The following UBE2E2 variants were observed in gnomAD, a reference collection of about 807,000 sequenced individuals.
UBE2E2 encodes the protein ubiquitin conjugating enzyme E2 E2.
Under a neutral mutation model 24.7 loss-of-function variants are expected in UBE2E2, and 6 were observed. The observed-to-expected ratio is 0.24, with a 90% CI of 0.13 to 0.48. The LOEUF is 0.48. UBE2E2 is among the 20% of genes least tolerant of loss of function. The pLI is 0.99. For synonymous variants in UBE2E2, 104 were observed against 83.6 expected, an observed-to-expected ratio of 1.24 and a Z score of -1.33; for missense variants, 169 against 245.0, an observed-to-expected ratio of 0.69 and a Z score of 2.07.
chr3:23,217,359 G>A (rs377470506), intron 3 of UBE2E2, 47 bp downstream of exon 3: 6 of 1,550,976 alleles, frequency 3.9e-6, no homozygotes, highest in Non-Finnish European at 4.4e-6. Flanking sequence ...TGCAGAAGGT[G>A]CATTTGAACT....
intron 4 of UBE2E2, among the ~76,000 whole-genome samples, chr3:23,522,121 C>T (rs1031931670): frequency 1.4e-5 from 2 of 145,692 alleles, no homozygotes; most frequent in Admixed American, 7.3e-5. Context: ...ACTCATATAA[C>T]CAGCTAATTT....
chr3:23,358,973 C>T (rs1696040428), intron 3 of UBE2E2, among the ~76,000 whole-genome samples: 1 of 152,146 alleles, frequency 6.6e-6, no homozygotes, highest in African/African-American at 2.4e-5. Context: ...AATTTGAATC[C>T]ACATGTATGT....
intron 3 of UBE2E2, among the ~76,000 whole-genome samples, chr3:23,323,747 T>A (rs895909268): frequency 2.0e-5 from 3 of 152,146 alleles, no homozygotes; most frequent in African/African-American, 7.2e-5. Flanking sequence ...TGTCCTTATT[T>A]TAGTTTTAGT....
At chr3:23,498,499 A>C (rs1699653956) in intron 3 of UBE2E2, among the ~76,000 whole-genome samples, 1 of 152,194 alleles carries the variant, frequency 6.6e-6, no homozygotes, top group Non-Finnish European at 1.5e-5. Flanking sequence ...ATTATGATGA[A>C]TCAATTTGGA....
rs9828922 is a variant in UBE2E2 at position 23,365,932 on chromosome 3, T to C, written c.228-133676T>C. 8.7e-3 allele frequency among the ~76,000 whole-genome samples: 1,326 copies of C among 152,124 alleles called. 18 individuals are homozygous for C. The highest frequency in any genetic ancestry group is 0.03 in the African/African-American group (1,253 of 41,514). On this transcript the variant is annotated intron_variant, in intron 3 of 5. Coordinates refer to ENST00000396703, the MANE Select transcript of UBE2E2 (RefSeq NM_152653.4). Reference sequence around the variant, plus strand: ...AAAGAGACACACAGACCAATGAGACTGAATAGAGAGCTCAGAAATAATGCC... The same window carrying C: ...AAAGAGACACACAGACCAATGAGACCGAATAGAGAGCTCAGAAATAATGCC...
chr3:23,267,304 C>G (rs1698076567), intron 3 of UBE2E2, among the ~76,000 whole-genome samples: 1 of 151,856 alleles, frequency 6.6e-6, no homozygotes, highest in Admixed American at 6.6e-5. Flanking sequence ...TGATAGACCG[C>G]TAGCAAGACT....
chr3:23,404,190 A>G (rs564008909), intron 3 of UBE2E2, among the ~76,000 whole-genome samples: 1 of 152,272 alleles, frequency 6.6e-6, no homozygotes, highest in South Asian at 2.1e-4. Context: ...GTATTTATCA[A>G]CTCAGTTGCA....
At chr3:23,480,584 G>A (rs140504846) in intron 3 of UBE2E2, among the ~76,000 whole-genome samples, 1,933 of 150,700 alleles carry the variant, frequency 0.013, 40 homozygotes, top group African/African-American at 0.044. Flanking sequence ...AGCAGCTGCT[G>A]CAGAGAGGCC....
chr3:23,454,490 T>C (rs1199955743), intron 3 of UBE2E2, among the ~76,000 whole-genome samples: 1 of 152,182 alleles, frequency 6.6e-6, no homozygotes. Flanking sequence ...CTACCTTGTA[T>C]CTTTAGTCTC....
rs908564725 is a variant in UBE2E2, at chr3:23,585,091, T to C, written c.509-4643T>C. Among the ~76,000 whole-genome samples, 15 of 152,284 alleles carry C rather than the reference T, an allele frequency of 9.9e-5. No individual in the cohort carries two copies. In the East Asian group the frequency reaches 2.5e-3, roughly 25 times the overall value. On this transcript the variant is annotated intron_variant, in intron 5 of 5. Transcript: ENST00000396703. ...TATTTTGTTAACAAAAATGCCATGA[T>C]GCTGGCTTGGAGCAGCGGCTCATCC...
At chr3:23,342,830 T>A (rs534140661) in intron 3 of UBE2E2, among the ~76,000 whole-genome samples, 18 of 152,150 alleles carry the variant, frequency 1.2e-4, no homozygotes, top group South Asian at 4.2e-4. Flanking sequence ...ACTTTTATAT[T>A]TTTTTTTCTG....
At chr3:23,546,867 C>G (rs974563470) in intron 5 of UBE2E2, among the ~76,000 whole-genome samples, 8 of 152,098 alleles carry the variant, frequency 5.3e-5, no homozygotes, top group African/African-American at 1.9e-4. Context: ...ATGATTAATT[C>G]TCTCCACTCT....
At chr3:23,351,775 A>T (rs1575579495) in intron 3 of UBE2E2, among the ~76,000 whole-genome samples, 1 of 152,200 alleles carries the variant, frequency 6.6e-6, no homozygotes, top group Non-Finnish European at 1.5e-5. Flanking sequence ...ACTCCCACAC[A>T]ATAATAATGG....
At chr3:23,427,583 A>C (rs1474884713) in intron 3 of UBE2E2, among the ~76,000 whole-genome samples, 1 of 152,256 alleles carries the variant, frequency 6.6e-6, no homozygotes, top group African/African-American at 2.4e-5. Context: ...ATCAGTTTGA[A>C]TAGCAGTGGC....
intron 5 of UBE2E2, among the ~76,000 whole-genome samples, chr3:23,536,842 T>A (rs1392953600): frequency 1.3e-5 from 2 of 152,150 alleles, no homozygotes; most frequent in African/African-American, 4.8e-5. Flanking sequence ...TGTTTGAAAT[T>A]CTTCTTAACT....
intron 3 of UBE2E2, among the ~76,000 whole-genome samples, chr3:23,281,622 A>G (rs142833161): frequency 6.6e-6 from 1 of 152,332 alleles, no homozygotes; most frequent in East Asian, 1.9e-4. Context: ...TGGGTGACAT[A>G]GCAAGATCCT....
intron 4 of UBE2E2, among the ~76,000 whole-genome samples, chr3:23,508,391 C>G (rs1211915676): frequency 6.6e-6 from 1 of 152,218 alleles, no homozygotes; most frequent in Non-Finnish European, 1.5e-5. Context: ...AATAGGAAAT[C>G]AGCCTTTTGG....
chr3:23,212,366 A>C (rs1429565101), intron 2 of UBE2E2, among the ~76,000 whole-genome samples: 1 of 152,134 alleles, frequency 6.6e-6, no homozygotes. Context: ...TATATTTGCA[A>C]GTCTGTTGTT....
intron 3 of UBE2E2, among the ~76,000 whole-genome samples, chr3:23,328,721 G>A (rs1241824559): frequency 6.6e-6 from 1 of 151,442 alleles, no homozygotes; most frequent in Non-Finnish European, 1.5e-5. Context: ...AAGTGCAGTG[G>A]CGCGATCTTG....
Sources: allele counts gnomAD v4.1 joint callset (sites outside exome capture counted in the v4.1 genomes callset), GRCh38; gene constraint gnomAD v4.1.1; transcripts MANE v1.5; gene names NCBI Gene and HGNC (gene_info 2026-07-23, HGNC 2026-07-21).